TMEFF2: variants seen among roughly 807,000 people sequenced by gnomAD.
TMEFF2 encodes the protein tomoregulin-2.
Under a neutral mutation model 53.8 loss-of-function variants are expected in TMEFF2, and 28 were observed. That is an observed-to-expected ratio of 0.52 (90% confidence interval 0.39 to 0.71). The LOEUF is 0.71. Ranked by LOEUF, TMEFF2 falls within the 30% of genes least tolerant of loss-of-function variation. The pLI is 0.00. For synonymous variants in TMEFF2, 162 were observed against 166.3 expected, an observed-to-expected ratio of 0.97 and a Z score of 0.20; for missense variants, 353 against 455.2, an observed-to-expected ratio of 0.78 and a Z score of 2.04.
intron 4 of TMEFF2, among the ~76,000 whole-genome samples, chr2:192,165,249 C>G (rs1690735352): frequency 6.6e-6 from 1 of 152,070 alleles, no homozygotes; most frequent in Non-Finnish European, 1.5e-5. Flanking sequence ...AAAAGGGAAA[C>G]TTTGGAGGTC....
At chr2:191,971,612 C>G (rs1488778928) in intron 7 of TMEFF2, among the ~76,000 whole-genome samples, 2 of 152,148 alleles carry the variant, frequency 1.3e-5, no homozygotes, top group Non-Finnish European at 2.9e-5. Context: ...CATGTTTTCT[C>G]TCATGAGGTT....
chr2:192,194,143 C>A lies in TMEFF2; in HGVS notation c.172+210G>T, dbSNP rs368363500. On this transcript the variant is annotated intron_variant, in intron 1 of 9. Coordinates refer to ENST00000272771, the MANE Select transcript of TMEFF2 (RefSeq NM_016192.4). This position sits in a 1 kb window ranked among gnomAD's most constrained non-coding sequence, Gnocchi z 4.2. ...AAGCATGCAAAGGTTTCCTGCTACACCTGCACTTTCTGCCCATCCCAGAAC... is the reference window on the plus strand; with the variant it reads ...AAGCATGCAAAGGTTTCCTGCTACAACTGCACTTTCTGCCCATCCCAGAAC... 5.3e-5 allele frequency among the ~76,000 whole-genome samples: 8 copies of A among 152,282 alleles called. 1 individual carries two copies. The highest frequency in any genetic ancestry group is 1.9e-4 in the African/African-American group (8 of 41,550).
rs1260745312 is a variant in TMEFF2, at chr2:192,184,662, T to G, written c.283-179A>C. Among the ~76,000 whole-genome samples, 22 of 152,140 alleles carry G rather than the reference T, an allele frequency of 1.4e-4. 1 individual carries two copies. The highest frequency in any genetic ancestry group is 1.4e-3 in the Admixed American group (22 of 15,264). On this transcript the variant is annotated intron_variant, in intron 2 of 9. Coordinates refer to ENST00000272771, the MANE Select transcript of TMEFF2 (RefSeq NM_016192.4). ...AAAGATGCACAAAGCCAATTTCAAGTTAGCCAACCAGTCATTTGATTTAGA... is the reference window on the plus strand; with the variant it reads ...AAAGATGCACAAAGCCAATTTCAAGGTAGCCAACCAGTCATTTGATTTAGA...
chr2:192,114,107 T>TGTGC (rs1319260635), intron 4 of TMEFF2, among the ~76,000 whole-genome samples: 1 of 141,050 alleles, frequency 7.1e-6, no homozygotes, highest in Non-Finnish European at 1.5e-5. Context: ...TGTGTGTGTG[T>TGTGC]GATAGCCCTT....
At chr2:192,143,542 A>T (rs1559144688) in intron 4 of TMEFF2, among the ~76,000 whole-genome samples, 1 of 152,150 alleles carries the variant, frequency 6.6e-6, no homozygotes, top group African/African-American at 2.4e-5. Context: ...CTTCCATGAC[A>T]AAATTTGCCT....
At chr2:192,070,411 A>C (rs1255479364) in intron 4 of TMEFF2, among the ~76,000 whole-genome samples, 1 of 151,862 alleles carries the variant, frequency 6.6e-6, no homozygotes, top group Non-Finnish European at 1.5e-5. Flanking sequence ...TATTTCTAAT[A>C]ACTATGAAAT....
intron 4 of TMEFF2, among the ~76,000 whole-genome samples, chr2:192,171,453 A>G (rs1288137277): frequency 6.6e-6 from 1 of 151,988 alleles, no homozygotes; most frequent in African/African-American, 2.4e-5. Flanking sequence ...TAAAATCACC[A>G]GTCAGATTAC....
intron 2 of TMEFF2, among the ~76,000 whole-genome samples, chr2:192,191,262 T>C (rs189987610): frequency 6.6e-6 from 1 of 152,288 alleles, no homozygotes; most frequent in South Asian, 2.1e-4. Context: ...AAAAAGTACA[T>C]TTCCTGATGT....
At chr2:191,958,442 T>G (rs1271221481) in intron 7 of TMEFF2, among the ~76,000 whole-genome samples, 1 of 152,240 alleles carries the variant, frequency 6.6e-6, no homozygotes, top group Admixed American at 6.5e-5. Flanking sequence ...TTTCTGTCAG[T>G]TACAAAAGAA....
chr2:192,118,952 A>C (rs981870983), intron 4 of TMEFF2, among the ~76,000 whole-genome samples: 1 of 152,132 alleles, frequency 6.6e-6, no homozygotes, highest in African/African-American at 2.4e-5. Flanking sequence ...TGACAATACA[A>C]GTTCTGAATT....
Position 192,109,966 on chromosome 2 carries a change from G to A in TMEFF2, c.440-52191C>T, listed in dbSNP as rs1455116398. On this transcript the variant is annotated intron_variant, in intron 4 of 9. Transcript: ENST00000272771. ...ATAAAGTCATAGGTATGAATGATAT[G>A]GCTTAGGGAGAAAATTTAGAATAAG... Among the ~76,000 whole-genome samples, 3 of 152,160 alleles carry A rather than the reference G, an allele frequency of 2.0e-5. 1 individual carries two copies. Among genetic ancestry groups the A allele is most frequent in the South Asian group, 4.1e-4 (2 of 4,824 alleles).
intron 5 of TMEFF2, among the ~76,000 whole-genome samples, chr2:192,056,842 G>T (rs1687922654): frequency 6.6e-6 from 1 of 152,058 alleles, no homozygotes; most frequent in African/African-American, 2.4e-5. Flanking sequence ...TGCCCTTTTT[G>T]CCATGTGAAG....
At position 192,171,128 on chromosome 2, in the gene TMEFF2, AAAG is replaced by A. The variant is rs1390428128; in HGVS notation, c.439+8537_439+8539del. 5.3e-5 allele frequency among the ~76,000 whole-genome samples: 8 copies of A among 152,238 alleles called. No homozygotes were observed. In the East Asian group the frequency reaches 1.5e-3, roughly 29 times the overall value. ...TACTATCTGGAATTAAAAATTTCAA[AAAG>A]AAGAAGGATATCTTAAATAAAACCC... On this transcript the variant is annotated intron_variant, in intron 4 of 9. Coordinates refer to ENST00000272771, the MANE Select transcript of TMEFF2 (RefSeq NM_016192.4).
intron 4 of TMEFF2, among the ~76,000 whole-genome samples, chr2:192,087,961 G>A (rs1688703520): frequency 6.6e-6 from 1 of 152,132 alleles, no homozygotes; most frequent in Admixed American, 6.6e-5. Context: ...ACTACAATTA[G>A]TTCCTGCTCC....
chr2:192,039,590 G>A (rs1037915975), intron 5 of TMEFF2, among the ~76,000 whole-genome samples: 1 of 152,092 alleles, frequency 6.6e-6, no homozygotes, highest in Admixed American at 6.6e-5. Context: ...GTTGGGAAAT[G>A]GTACTTCATT....
chr2:192,075,774 C>A (rs149259107), intron 4 of TMEFF2, among the ~76,000 whole-genome samples: 243 of 152,050 alleles, frequency 1.6e-3, no homozygotes, highest in African/African-American at 5.5e-3. Context: ...ACTGAAGAAG[C>A]TAACTTCAGT....
At chr2:192,043,508 C>T (rs566216835) in intron 5 of TMEFF2, 1 of 152,342 alleles carries the variant, frequency 6.6e-6, no homozygotes, top group Admixed American at 6.5e-5. Context: ...TCTGAACTGA[C>T]ACTAATTACA....
intron 4 of TMEFF2, among the ~76,000 whole-genome samples, chr2:192,137,234 C>T (rs1252179487): frequency 6.6e-6 from 1 of 151,984 alleles, no homozygotes; most frequent in Non-Finnish European, 1.5e-5. Flanking sequence ...AAAAAGGATT[C>T]GTGAGGGTGG....
At chr2:192,070,009 T>TGTCTTC (rs1414625424) in intron 4 of TMEFF2, among the ~76,000 whole-genome samples, 1 of 18,786 alleles carries the variant, frequency 5.3e-5, no homozygotes, top group African/African-American at 2.0e-4. Flanking sequence ...TATATATATA[T>TGTCTTC]ATATATATAT....
Sources: gnomAD v4.1 joint callset for allele counts (sites outside exome capture counted in the v4.1 genomes callset) on GRCh38, gnomAD v4.1.1 for gene constraint, Gnocchi (gnomAD v3.1) non-coding constraint, MANE v1.5 for transcripts, NCBI Gene and HGNC (gene_info 2026-07-23, HGNC 2026-07-21) for gene names.